The following SGCD variants were observed in gnomAD, a reference collection of about 807,000 sequenced individuals.
SGCD encodes the protein delta-sarcoglycan.
A neutral mutation model predicts 36.6 loss-of-function variants in SGCD; 18 were observed. The ratio of observed to expected loss-of-function variants is 0.49; its 90% CI spans 0.34 to 0.73. The LOEUF (loss-of-function observed/expected upper bound fraction) is 0.73. Among genes scored for constraint, SGCD ranks in the 30% least tolerant of loss-of-function variants. SGCD has a pLI of 0.01. For missense variants in SGCD, 387 were observed against 346.7 expected, an observed-to-expected ratio of 1.12 and a Z score of -0.92; for synonymous variants, 133 against 130.6, an observed-to-expected ratio of 1.02 and a Z score of -0.12.
the SGCD span, among the ~76,000 whole-genome samples, chr5:155,728,320 G>T: frequency 4.6e-5 from 7 of 152,186 alleles, no homozygotes; most frequent in Non-Finnish European, 1.0e-4. Flanking sequence ...CCAAGCCCCA[G>T]CTGGAGCCGG....
intron 3 of SGCD, among the ~76,000 whole-genome samples, chr5:156,157,577 A>G (rs960896747): frequency 2.6e-5 from 4 of 151,748 alleles, no homozygotes; most frequent in African/African-American, 9.8e-5. Context: ...CAAGGGGGGA[A>G]AATATTTTTC....
At chr5:156,056,439 A>G (rs1358840948) in intron 1 of SGCD, among the ~76,000 whole-genome samples, 1 of 144,672 alleles carries the variant, frequency 6.9e-6, no homozygotes, top group East Asian at 1.9e-4. Flanking sequence ...AGGACCTAAT[A>G]TCAGTGCTCA....
chr5:155,844,549 G>T, the SGCD span, among the ~76,000 whole-genome samples: 1 of 152,144 alleles, frequency 6.6e-6, no homozygotes, highest in South Asian at 2.1e-4. Flanking sequence ...TTCTTACAAT[G>T]ATGGAAAGAA....
chr5:155,735,193 C>A, the SGCD span, among the ~76,000 whole-genome samples: 4 of 152,156 alleles, frequency 2.6e-5, no homozygotes, highest in African/African-American at 9.7e-5. Flanking sequence ...AGGTCTAATG[C>A]GTCCCTAGAG....
At chr5:155,870,761 C>T (rs1755615053) in intron 1 of SGCD, among the ~76,000 whole-genome samples, 2 of 152,146 alleles carry the variant, frequency 1.3e-5, no homozygotes, top group Non-Finnish European at 2.9e-5. Flanking sequence ...AAAGTGATTT[C>T]TGTGTAGACA....
intron 3 of SGCD, among the ~76,000 whole-genome samples, chr5:156,213,910 T>G (rs1056029428): frequency 2.6e-5 from 4 of 152,002 alleles, no homozygotes; most frequent in African/African-American, 7.2e-5. Flanking sequence ...AACATCATTT[T>G]ATGTTAAAAA....
intron 3 of SGCD, among the ~76,000 whole-genome samples, chr5:156,155,313 T>C (rs1258187076): frequency 6.6e-6 from 1 of 151,512 alleles, no homozygotes; most frequent in Non-Finnish European, 1.5e-5. Context: ...AGCTTAGAGA[T>C]TATGTTTCTT....
chr5:156,333,345 C>T (rs1467871841), intron 2 of SGCD, among the ~76,000 whole-genome samples: 1 of 152,154 alleles, frequency 6.6e-6, no homozygotes, highest in Non-Finnish European at 1.5e-5. Context: ...AATGCCTATA[C>T]TTAGAGTAAC....
chr5:155,881,675 A>T (rs1316184671), intron 1 of SGCD, among the ~76,000 whole-genome samples: 1 of 152,304 alleles, frequency 6.6e-6, no homozygotes, highest in Admixed American at 6.5e-5. Flanking sequence ...TCTCCATAGC[A>T]TGCCATGCTG....
chr5:156,247,699 A>G (rs939213710), intron 3 of SGCD, among the ~76,000 whole-genome samples: 2 of 152,242 alleles, frequency 1.3e-5, no homozygotes, highest in African/African-American at 4.8e-5. Context: ...CAATACAAAT[A>G]CACAACGGAG....
intron 3 of SGCD, among the ~76,000 whole-genome samples, chr5:156,469,276 A>T (rs1464302481): frequency 6.6e-6 from 1 of 152,176 alleles, no homozygotes; most frequent in Non-Finnish European, 1.5e-5. Context: ...CTTCTCAAAG[A>T]TCCATGACAC....
intron 3 of SGCD, among the ~76,000 whole-genome samples, chr5:156,202,636 T>A (rs1764177008): frequency 6.6e-6 from 1 of 152,130 alleles, no homozygotes. Flanking sequence ...GCTCCCAGGT[T>A]TTGAAGATGT....
At chr5:156,069,117 A>C (rs1450818310) in intron 1 of SGCD, among the ~76,000 whole-genome samples, 360 of 151,944 alleles carry the variant, frequency 2.4e-3, no homozygotes, top group Middle Eastern at 0.01. Flanking sequence ...TGCAGAAGCT[A>C]TTTAGTTTAA....
chr5:155,899,862 G>C (rs1354735247), intron 1 of SGCD, among the ~76,000 whole-genome samples: 1 of 152,150 alleles, frequency 6.6e-6, no homozygotes, highest in African/African-American at 2.4e-5. Flanking sequence ...TTTGCAGACA[G>C]TTCGCATGGA....
At chr5:155,911,959 C>G (rs1248106873) in intron 1 of SGCD, among the ~76,000 whole-genome samples, 1 of 152,098 alleles carries the variant, frequency 6.6e-6, no homozygotes, top group Non-Finnish European at 1.5e-5. Context: ...GCTGGAAAAC[C>G]TTCACCACAT....
At chr5:156,032,685 C>T (rs140091773) in intron 1 of SGCD, among the ~76,000 whole-genome samples, 2,429 of 106,770 alleles carry the variant, frequency 0.023, 118 homozygotes, top group African/African-American at 0.09. Context: ...CCAGCCTGGG[C>T]GACAGAGCAA....
the SGCD span, among the ~76,000 whole-genome samples, chr5:155,850,375 AT>A: frequency 1.3e-5 from 2 of 152,132 alleles, no homozygotes; most frequent in South Asian, 4.2e-4. Context: ...AAACAGGGGA[AT>A]TTTTTTGCAG....
chr5:155,862,172 T>G, the SGCD span, among the ~76,000 whole-genome samples: 1 of 152,220 alleles, frequency 6.6e-6, no homozygotes, highest in Admixed American at 6.5e-5. Flanking sequence ...TTTCACCCTA[T>G]GTAAGCCTTC....
chr5:155,879,114 G>A (rs1755823664), intron 1 of SGCD, among the ~76,000 whole-genome samples: 1 of 152,034 alleles, frequency 6.6e-6, no homozygotes, highest in Non-Finnish European at 1.5e-5. Context: ...AGGCTAGACA[G>A]ACTGAATTTA....
Sources: gnomAD v4.1 joint callset for allele counts (sites outside exome capture counted in the v4.1 genomes callset) on GRCh38, gnomAD v4.1.1 for gene constraint, MANE v1.5 for transcripts, NCBI Gene and HGNC (gene_info 2026-07-23, HGNC 2026-07-21) for gene names.